The following DRD3 variants were observed in gnomAD, a reference collection of about 807,000 sequenced individuals.
DRD3 encodes dopamine receptor D3.
A neutral mutation model predicts 36.3 loss-of-function variants in DRD3; 19 were observed. The observed-to-expected ratio is 0.52, with a 90% confidence interval of 0.36 to 0.77. The LOEUF (loss-of-function observed/expected upper bound fraction) is 0.77, where lower values mean the gene tolerates loss of function less well. Among genes scored for constraint, DRD3 ranks in the 30% least tolerant of loss-of-function variants. DRD3 has a pLI of 0.00. For missense variants in DRD3, 465 were observed against 505.3 expected, an observed-to-expected ratio of 0.92 and a Z score of 0.77; for synonymous variants, 195 against 203.7, an observed-to-expected ratio of 0.96 and a Z score of 0.36.
At chr3:114,147,597 G>T in intron 3 of DRD3, 40 bp from the exon 4 acceptor site, 1 of 1,587,800 alleles carries the variant, frequency 6.3e-7, no homozygotes, top group Non-Finnish European at 8.6e-7. Context: ...ATGGTGAGAT[G>T]GAATGGGGTA....
In DRD3 at chr3:114,128,524, T is replaced by G; in HGVS notation, c.*192A>C. ...TCATTTGAAGATTGTCAGAATGAAG[T>G]CAGATTTTAGCTGGGGAGGTAGAAT... On this transcript the variant is annotated 3_prime_UTR_variant, in exon 7 of 7. Coordinates refer to ENST00000383673, the MANE Select transcript of DRD3 (RefSeq NM_000796.6). 2 of 476,788 alleles carry G rather than the reference T, an allele frequency of 4.2e-6. No individual in the cohort carries two copies. The highest frequency in any genetic ancestry group is 3.6e-6 in the Non-Finnish European group (1 of 277,120). 29.5% of individuals were successfully genotyped at this position (476,788 alleles called of 1,614,324 possible).
intron 1 of DRD3, among the ~76,000 whole-genome samples, chr3:114,198,043 A>G (rs2107909641): frequency 6.6e-6 from 1 of 152,326 alleles, no homozygotes; most frequent in South Asian, 2.1e-4. Context: ...TCTTCTATAT[A>G]AATCTATATT....
chr3:114,127,808 C>T lies in DRD3; in HGVS notation c.*908G>A, dbSNP rs1218388997. Among the ~76,000 whole-genome samples, 2 of 152,236 alleles carry T rather than the reference C, an allele frequency of 1.3e-5. No individual in the cohort carries two copies. Among genetic ancestry groups the T allele is most frequent in the Middle Eastern group, 6.8e-3 (2 of 294 alleles). ...TGAGACCACCGTTGTATATGTGGTC[C>T]ACTGTTGCCCAAAATGTCATGATGT... On this transcript the variant is annotated 3_prime_UTR_variant, in exon 7 of 7. Coordinates refer to ENST00000383673, the MANE Select transcript of DRD3 (RefSeq NM_000796.6).
chr3:114,180,685 G>A (rs937131055), upstream of DRD3, among the ~76,000 whole-genome samples: 1 of 152,064 alleles, frequency 6.6e-6, no homozygotes. Flanking sequence ...GAGAGGTTAG[G>A]TTCCATATCC....
rs1293692756 is a variant in DRD3 at position 114,167,580 on chromosome 3, C to A, written c.270+4143G>T. On this transcript the variant is annotated intron_variant, in intron 2 of 6. Coordinates refer to ENST00000383673, the MANE Select transcript of DRD3 (RefSeq NM_000796.6). ...CTTGAGGACAGAGAATACTGAAGCA[C>A]GTCAGTGACTGGTCCCTGTGGGCCC... is the stretch of plus-strand genomic sequence containing the variant. 2.0e-5 allele frequency among the ~76,000 whole-genome samples: 3 copies of A among 152,278 alleles called. No homozygotes were observed. The East Asian group carries it at 5.8e-4, about 29-fold the overall frequency.
rs537715177 is a variant in DRD3 at position 114,170,074 on chromosome 3, A to G, written c.270+1649T>C. Among the ~76,000 whole-genome samples the G allele has an allele frequency of 1.2e-4, 18 of 152,332 alleles. 1 individual carries two copies. The South Asian group carries it at 3.5e-3, about 30-fold the overall frequency. ...ATTTTAGGAAGATGATGACAGTGCT[A>G]TGAGTTATTGACCAATTCATATTGG... On this transcript the variant is annotated intron_variant, in intron 2 of 6. Coordinates refer to ENST00000383673, the MANE Select transcript of DRD3 (RefSeq NM_000796.6).
At position 114,196,457 on chromosome 3, in the gene DRD3, T is replaced by C. The variant is rs376233895; in HGVS notation, c.-156+2816A>G. Reference sequence around the variant, plus strand: ...AGCCTACCTAGTAGCTGGGACCACATGCTCACATCACCATGCCTGGTGGGA... The same window carrying C: ...AGCCTACCTAGTAGCTGGGACCACACGCTCACATCACCATGCCTGGTGGGA... On this transcript the variant is annotated intron_variant, in intron 1 of 7. Coordinates refer to the DRD3 transcript ENST00000460779. Among the ~76,000 whole-genome samples the C allele has an allele frequency of 3.3e-5, 5 of 152,114 alleles. No individual in the cohort carries two copies. The East Asian group carries it at 7.7e-4, about 23-fold the overall frequency.
At chr3:114,198,372 AG>A (rs1275233686) in intron 1 of DRD3, among the ~76,000 whole-genome samples, 4 of 151,980 alleles carry the variant, frequency 2.6e-5, no homozygotes, top group Non-Finnish European at 5.9e-5. Context: ...CCTGAGGTCA[AG>A]CTATCTGCCC....
intron 1 of DRD3, among the ~76,000 whole-genome samples, chr3:114,172,519 T>C (rs2077856543): frequency 6.6e-6 from 1 of 151,378 alleles, no homozygotes; most frequent in South Asian, 2.1e-4. Context: ...TAGGAGGGAG[T>C]CTGGTGAGGC....
chr3:114,190,144 C>T (rs2077996518), intron 1 of DRD3, among the ~76,000 whole-genome samples: 1 of 151,882 alleles, frequency 6.6e-6, no homozygotes, highest in African/African-American at 2.4e-5. Flanking sequence ...ACAAACCAAA[C>T]TCTAGGGGAG....
At chr3:114,171,633 G>C (rs2077842883) in intron 2 of DRD3, 90 bp downstream of exon 2, 1 of 1,428,510 alleles carries the variant, frequency 7.0e-7, no homozygotes, top group Non-Finnish European at 9.3e-7. Context: ...CTGACTGTCT[G>C]GGGAGTCTTT....
intron 4 of DRD3, among the ~76,000 whole-genome samples, chr3:114,142,047 CAAAAAAAA>C (rs771946847): frequency 1.1e-4 from 7 of 64,720 alleles, no homozygotes; most frequent in Admixed American, 6.3e-4. Context: ...GACTCTCTCT[CAAAAAAAA>C]AAAAAAAAAA....
intron 1 of DRD3, among the ~76,000 whole-genome samples, chr3:114,190,456 ATATATATTTTTTTTTTTTTTTTTTTTTTT>A (rs2078004094): frequency 4.4e-4 from 5 of 11,368 alleles, no homozygotes; most frequent in African/African-American, 1.7e-3. Context: ...ATATATATAT[ATATATATTTTTTTTTTTTTTTTTTTTTTT>A]TTTTTTTTTT....
chr3:114,194,760 G>GCATC (rs367695872), intron 1 of DRD3, among the ~76,000 whole-genome samples: 4 of 151,938 alleles, frequency 2.6e-5, no homozygotes, highest in African/African-American at 9.7e-5. Context: ...GTATTGTCTT[G>GCATC]CATCCCTTCC....
At chr3:114,138,463 GA>G (rs1463534966) in intron 5 of DRD3, among the ~76,000 whole-genome samples, 1 of 152,106 alleles carries the variant, frequency 6.6e-6, no homozygotes, top group East Asian at 1.9e-4. Context: ...TTTGTGCAGG[GA>G]AACTCCCCCT....
At chr3:114,158,119 A>G (rs761336068) in intron 3 of DRD3, among the ~76,000 whole-genome samples, 17 of 152,212 alleles carry the variant, frequency 1.1e-4, no homozygotes, top group Non-Finnish European at 1.9e-4. Context: ...AGAAAAAAGA[A>G]AAAAAGAGGG....
At chr3:114,165,829 G>A (rs141797291) in intron 2 of DRD3, among the ~76,000 whole-genome samples, 2,117 of 151,890 alleles carry the variant, frequency 0.014, 33 homozygotes, top group Non-Finnish European at 0.017. Context: ...TATGAAATAG[G>A]GGGTTTGTAG....
chr3:114,186,950 T>C (rs1018137927), intron 1 of DRD3, among the ~76,000 whole-genome samples: 1 of 152,158 alleles, frequency 6.6e-6, no homozygotes, highest in Non-Finnish European at 1.5e-5. Context: ...GAGAGAGATA[T>C]GGAAGTGTTA....
chr3:114,131,122 C>A lies in DRD3; in HGVS notation c.1002G>T (p.Val334=), dbSNP rs1372956162. ...CTCAAGCCAACCCAAACTTACCAAG[C>A]ACAATGGCCACCATTTGGGTTGCCT... The part of the protein sequence containing the change: ...EKKATQMVAI[V]LGAFIVCWLP... The change falls in exon 6 of 7, where the codon GTG becomes GTT. Residue 334 remains valine, a synonymous_variant. Transcript: ENST00000383673. 6 of 1,612,996 alleles carry A rather than the reference C, an allele frequency of 3.7e-6. No homozygotes were observed. In the African/African-American group the frequency reaches 8.0e-5, roughly 22 times the overall value.
Sources: gnomAD v4.1 joint callset for allele counts (sites outside exome capture counted in the v4.1 genomes callset) on GRCh38, gnomAD v4.1.1 for gene constraint, MANE v1.5 for transcripts, NCBI Gene and HGNC (gene_info 2026-07-23, HGNC 2026-07-21) for gene names.